The following KCNH1 variants were observed in gnomAD, a reference collection of about 807,000 sequenced individuals.
The protein encoded by KCNH1 is voltage-gated delayed rectifier potassium channel KCNH1.
Under a neutral mutation model 69.2 loss-of-function variants are expected in KCNH1, and 27 were observed. The ratio of observed to expected loss-of-function variants is 0.39; its 90% CI spans 0.29 to 0.54. The LOEUF (loss-of-function observed/expected upper bound fraction) is 0.54, where lower values mean the gene tolerates loss of function less well. KCNH1 is among the 20% of genes least tolerant of loss of function. KCNH1 has a pLI of 0.68. For missense variants in KCNH1, 798 were observed against 1,261.6 expected (o/e 0.63, Z 5.57); for synonymous variants, 456 against 487.7 (o/e 0.93, Z 0.86).
chr1:210,861,622 A>G, intron 7 of KCNH1: 1 of 771,006 alleles, frequency 1.3e-6, no homozygotes. Context: ...TAGAGTATAG[A>G]GTATATACTG....
intron 7 of KCNH1, among the ~76,000 whole-genome samples, chr1:210,896,349 G>GA (rs1170504474): frequency 6.6e-6 from 1 of 151,790 alleles, no homozygotes. Flanking sequence ...ATAAACCCTA[G>GA]AAAAAACCTG....
chr1:211,067,387 G>C (rs1690551415), intron 5 of KCNH1, among the ~76,000 whole-genome samples: 1 of 152,212 alleles, frequency 6.6e-6, no homozygotes, highest in Non-Finnish European at 1.5e-5. Context: ...CCACGACAAA[G>C]CAAGAAGGTG....
At chr1:210,719,400 A>G (rs1357897469) in intron 10 of KCNH1, among the ~76,000 whole-genome samples, 1 of 152,226 alleles carries the variant, frequency 6.6e-6, no homozygotes, top group Non-Finnish European at 1.5e-5. Flanking sequence ...ACACCCAGAC[A>G]TGGATGAAAC....
In KCNH1 at chr1:210,849,200, C is replaced by T. The variant is rs570495527; in HGVS notation, c.1463-45034G>A. 1.9e-3 allele frequency among the ~76,000 whole-genome samples: 295 copies of T among 152,136 alleles called. 1 individual carries two copies. The highest frequency in any genetic ancestry group is 6.7e-3 in the African/African-American group (279 of 41,518). On this transcript the variant is annotated intron_variant, in intron 7 of 10. Transcript: ENST00000271751. ...CTATAAACATTCTACTATATGGATA[C>T]AATTCAGACAAAATTAAAAACAACA... is the stretch of plus-strand genomic sequence containing the variant.
intron 7 of KCNH1, among the ~76,000 whole-genome samples, chr1:210,819,697 C>A (rs1006628367): frequency 1.3e-5 from 2 of 152,122 alleles, no homozygotes; most frequent in Non-Finnish European, 2.9e-5. Flanking sequence ...CATTAGAAAT[C>A]ATTGGCTTCC....
At position 210,750,039 on chromosome 1, in the gene KCNH1, A is replaced by T. The variant is rs533930604; in HGVS notation, c.2112+25309T>A. On this transcript the variant is annotated intron_variant, in intron 10 of 10. Transcript: ENST00000271751. Reference sequence around the variant, plus strand: ...ATTACAGGCGTGAGCCGCCGCGTCCAGCTGGCTGCTTGCTATCTTACTGCA... The same window carrying T: ...ATTACAGGCGTGAGCCGCCGCGTCCTGCTGGCTGCTTGCTATCTTACTGCA... Among the ~76,000 whole-genome samples, 8 of 152,266 alleles carry T rather than the reference A, an allele frequency of 5.3e-5. No homozygotes were observed. The South Asian group carries it at 1.5e-3, about 28-fold the overall frequency.
At chr1:211,110,320 A>T (rs1195072376) in intron 1 of KCNH1, among the ~76,000 whole-genome samples, 1 of 152,304 alleles carries the variant, frequency 6.6e-6, no homozygotes, top group Non-Finnish European at 1.5e-5. Context: ...GTAGAAAGCA[A>T]GGAAGAGAGC....
At chr1:210,997,846 G>A (rs1477717323) in intron 6 of KCNH1, among the ~76,000 whole-genome samples, 1 of 152,180 alleles carries the variant, frequency 6.6e-6, no homozygotes, top group Non-Finnish European at 1.5e-5. Flanking sequence ...GAAGAGAGTG[G>A]GGGCCGATAT....
In KCNH1 at chr1:210,683,863, C is replaced by A. The variant is rs138875472; in HGVS notation, c.2388G>T (p.Thr796=). 13 of 1,613,976 alleles carry A rather than the reference C, an allele frequency of 8.1e-6. No individual in the cohort carries two copies. The highest frequency in any genetic ancestry group is 1.0e-5 in the Non-Finnish European group (12 of 1,180,020). The change falls in exon 11 of 11, where the codon ACG becomes ACT. Residue 796 remains threonine (T), a synonymous_variant. Coordinates refer to ENST00000271751, the MANE Select transcript of KCNH1 (RefSeq NM_172362.3). This position sits in a 1 kb window ranked among gnomAD's most constrained non-coding sequence, Gnocchi z 5.7. The stretch of plus-strand genomic sequence containing the variant: ...TGGAGGCTGCCTGGAAGGATACGGG[C>A]GTGGCAGGACTCTCACGCACGGTGA... The part of the protein sequence containing the change: ...SVVTVRESPA[T]PVSFQAASTS...
intron 5 of KCNH1, among the ~76,000 whole-genome samples, chr1:211,027,259 T>C (rs540847640): frequency 1.3e-5 from 2 of 152,210 alleles, no homozygotes; most frequent in Admixed American, 1.3e-4. Context: ...ATGGAAGTTT[T>C]AGAACCAGAA....
intron 7 of KCNH1, chr1:210,918,835 G>A (rs900908916): frequency 2.6e-5 from 4 of 151,878 alleles, no homozygotes; most frequent in African/African-American, 9.7e-5. Flanking sequence ...ACTTTTAAAA[G>A]GAAAATGAAA....
At chr1:210,923,072 G>A (rs931248993) in intron 6 of KCNH1, among the ~76,000 whole-genome samples, 5 of 152,198 alleles carry the variant, frequency 3.3e-5, no homozygotes, top group South Asian at 2.1e-4. Context: ...AGATTAAAAC[G>A]ACAGTGTCTT....
chr1:211,122,603 A>G (rs1691709561), intron 1 of KCNH1, among the ~76,000 whole-genome samples: 1 of 152,246 alleles, frequency 6.6e-6, no homozygotes. Flanking sequence ...TAGACTGGAT[A>G]AAGAAAATGT....
chr1:210,711,912 G>C (rs1682085811), intron 10 of KCNH1, among the ~76,000 whole-genome samples: 1 of 152,188 alleles, frequency 6.6e-6, no homozygotes, highest in African/African-American at 2.4e-5. Context: ...GAAGCCCCTG[G>C]ACCCCAGGCT....
chr1:210,782,895 C>T (rs1684015564), intron 9 of KCNH1, among the ~76,000 whole-genome samples: 1 of 152,182 alleles, frequency 6.6e-6, no homozygotes, highest in African/African-American at 2.4e-5. Context: ...TTCCCAGCAT[C>T]CAGAACTGTG....
At chr1:210,987,109 T>C (rs926332089) in intron 6 of KCNH1, among the ~76,000 whole-genome samples, 2 of 152,246 alleles carry the variant, frequency 1.3e-5, no homozygotes, top group African/African-American at 4.8e-5. Flanking sequence ...GTCACATAGT[T>C]CTTGTGCCTT....
At chr1:210,693,669 C>T (rs1157160275) in intron 10 of KCNH1, among the ~76,000 whole-genome samples, 2 of 152,194 alleles carry the variant, frequency 1.3e-5, no homozygotes, top group East Asian at 3.8e-4. Context: ...TTGTCTGACT[C>T]ATCAGTGCCA....
intron 5 of KCNH1, among the ~76,000 whole-genome samples, chr1:211,061,183 A>G (rs1690426997): frequency 6.6e-6 from 1 of 152,216 alleles, no homozygotes; most frequent in Admixed American, 6.5e-5. Context: ...TGTGCTGCAT[A>G]TCAACAGAAT....
chr1:210,725,115 G>C (rs555041946), intron 10 of KCNH1, among the ~76,000 whole-genome samples: 2 of 152,184 alleles, frequency 1.3e-5, no homozygotes, highest in Non-Finnish European at 2.9e-5. Flanking sequence ...TTCTATGTCA[G>C]ACTGTGGCTT....
Sources: allele counts gnomAD v4.1 joint callset (sites outside exome capture counted in the v4.1 genomes callset), GRCh38; gene constraint gnomAD v4.1.1; non-coding constraint Gnocchi (gnomAD v3.1); transcripts MANE v1.5; gene names NCBI Gene and HGNC (gene_info 2026-07-23, HGNC 2026-07-21).